Variants in FZD1 observed in about 807,000 individuals in gnomAD.
The protein encoded by FZD1 is frizzled class receptor 1, also known as frizzled-1.
Under a neutral mutation model 48.0 loss-of-function variants are expected in FZD1, and 22 were observed. The ratio of observed to expected loss-of-function variants is 0.46; its 90% CI spans 0.33 to 0.65. The LOEUF is 0.65. Ranked by LOEUF, FZD1 falls within the 30% of genes least tolerant of loss-of-function variation. The pLI, the probability that FZD1 is intolerant of heterozygous loss-of-function variation, is 0.02. For missense variants in FZD1, 843 were observed against 898.1 expected, an observed-to-expected ratio of 0.94 and a Z score of 0.78; for synonymous variants, 486 against 409.6, an observed-to-expected ratio of 1.19 and a Z score of -2.25.
Position 91,268,844 on chromosome 7 carries a change from TA to T in FZD1, c.*2023del. ...GAATTCAATGAAAAAAGTCTACCCT[TA>T]AACCCTCAGATCAGTCTTTCCAAAG... On this transcript the variant is annotated 3_prime_UTR_variant, in exon 1 of 1. Transcript: ENST00000287934. 6.0e-6 allele frequency: 1 copy of T among 167,074 alleles called. No homozygotes were observed. The allele number at this position is 167,074 out of a possible 1,614,324, so 10.3% of individuals were successfully genotyped here.
Position 91,266,564 on chromosome 7 carries a change from C to T in FZD1, c.1684C>T (p.Arg562Trp), listed in dbSNP as rs1380692271. ...CTGCTACTTCTACGAGCAGGCCTTC[C>T]GGGACCAGTGGGAACGCAGCTGGGT... ...IACYFYEQAF[R>W]DQWERSWVAQ... Residue 562 changes from arginine to tryptophan, a missense_variant, in exon 1 of 1, where the codon CGG becomes TGG. Transcript: ENST00000287934. This position sits in a 1 kb window ranked among gnomAD's most constrained non-coding sequence, Gnocchi z 6.8. 1.2e-6 allele frequency: 2 copies of T among 1,613,798 alleles called. No individual in the cohort carries two copies. Among genetic ancestry groups the T allele is most frequent in the Non-Finnish European group, 1.7e-6 (2 of 1,180,006 alleles).
Position 91,265,756 on chromosome 7 carries a change from G to A in FZD1, c.876G>A (p.Gly292=), listed in dbSNP as rs780442306. Reference sequence around the variant, plus strand: ...CCTACCTCAACTACCACTTCCTGGGGGAGAAGGACTGCGGCGCACCTTGTG... The same window carrying A: ...CCTACCTCAACTACCACTTCCTGGGAGAGAAGGACTGCGGCGCACCTTGTG... ...VPSYLNYHFL[G]EKDCGAPCEP... Residue 292 remains glycine, a synonymous_variant, in exon 1 of 1, where the codon GGG becomes GGA. Transcript: ENST00000287934. This position sits in a 1 kb window ranked among gnomAD's most constrained non-coding sequence, Gnocchi z 6.9. 5 of 1,612,520 alleles carry A rather than the reference G, an allele frequency of 3.1e-6. No homozygotes were observed. The highest frequency in any genetic ancestry group is 4.2e-6 in the Non-Finnish European group (5 of 1,178,936).
chr7:91,267,801 G>A lies in FZD1; in HGVS notation c.*977G>A, dbSNP rs1803910778. ...AGTGTCTAAAACCTGGTATGGGTTT[G>A]GCCAGCGTCATGGAAAGATGTGGTT... is the stretch of plus-strand genomic sequence containing the variant. On this transcript the variant is annotated 3_prime_UTR_variant, in exon 1 of 1. Transcript: ENST00000287934. 6.0e-6 allele frequency: 1 copy of A among 167,082 alleles called. No individual in the cohort carries two copies. The highest frequency in any genetic ancestry group is 2.1e-4 in the South Asian group (1 of 4,828). 10.3% of individuals were successfully genotyped at this position (167,082 alleles called of 1,614,324 possible). A position where few individuals can be genotyped will look rare whatever the true frequency, so the allele number is the denominator to read the frequency against.
Position 91,269,823 on chromosome 7 carries a change from T to C in FZD1, c.*2999T>C, listed in dbSNP as rs2115567981. On this transcript the variant is annotated 3_prime_UTR_variant, in exon 1 of 1. Coordinates refer to ENST00000287934, the MANE Select transcript of FZD1 (RefSeq NM_003505.2). ...CTCACTAAGTAGTTCAATTAGATAA[T>C]TTCTGGAAAAACATGTTTTTGACAT... 1 of 167,148 alleles carries C rather than the reference T, an allele frequency of 6.0e-6. No homozygotes were observed. Among genetic ancestry groups the C allele is most frequent in the East Asian group, 1.9e-4 (1 of 5,192 alleles). The allele number at this position is 167,148 out of a possible 1,614,324, so 10.4% of individuals were successfully genotyped here. A position where few individuals can be genotyped will look rare whatever the true frequency, so the allele number is the denominator to read the frequency against.
chr7:91,265,115 C>A lies in FZD1; in HGVS notation c.235C>A (p.Pro79Thr). Reference sequence around the variant, plus strand: ...CCGGGCCCAGGCGGCGGGCCAGGGGCCAGGCCAGGGGCCCGGGCCGGGGCA... The same window carrying A: ...CCGGGCCCAGGCGGCGGGCCAGGGGACAGGCCAGGGGCCCGGGCCGGGGCA... ...GVRAQAAGQGPGQGPGPGQQP... is the reference protein window; with the variant it reads ...GVRAQAAGQGTGQGPGPGQQP... Residue 79 changes from proline (P) to threonine (T), a missense_variant, in exon 1 of 1, where the codon CCA becomes ACA. Physicochemically the swap from Pro to Thr is conservative, Grantham distance 38. This residue lies in a region of FZD1 where 490 missense variants were observed against 466.5 expected (regional missense o/e 1.05). Coordinates refer to ENST00000287934, the MANE Select transcript of FZD1 (RefSeq NM_003505.2). This position sits in a 1 kb window ranked among gnomAD's most constrained non-coding sequence, Gnocchi z 6.9. 1 of 1,498,450 alleles carries A rather than the reference C, an allele frequency of 6.7e-7. No individual in the cohort carries two copies. Among genetic ancestry groups the A allele is most frequent in the Non-Finnish European group, 8.9e-7 (1 of 1,118,740 alleles). The allele number at this position is 1,498,450 out of a possible 1,614,324, so 92.8% of individuals were successfully genotyped here.
rs139801070 is a variant in FZD1, at chr7:91,264,728, A to T, written c.-153A>T. Reference sequence around the variant, plus strand: ...TTTCCGCGGCGGCGGCGGCTGCGGTACGCAGAACAGGAGCCGGGGGAGCGG... The same window carrying T: ...TTTCCGCGGCGGCGGCGGCTGCGGTTCGCAGAACAGGAGCCGGGGGAGCGG... On this transcript the variant is annotated 5_prime_UTR_variant, in exon 1 of 1. Transcript: ENST00000287934. 216 of 449,466 alleles carry T rather than the reference A, an allele frequency of 4.8e-4. No homozygotes were observed. Among genetic ancestry groups the T allele is most frequent in the African/African-American group, 2.9e-3 (144 of 49,440 alleles). 27.8% of individuals were successfully genotyped at this position (449,466 alleles called of 1,614,324 possible).
At position 91,269,093 on chromosome 7, in the gene FZD1, A is replaced by AT. The variant is rs1467375918; in HGVS notation, c.*2275dup. On this transcript the variant is annotated 3_prime_UTR_variant, in exon 1 of 1. Transcript: ENST00000287934. ...ATTTTTAAATCATCACCTTTCTCAT[A>AT]TTTTTTAGAGGTATTGTCTTATCTC... 6.0e-6 allele frequency: 1 copy of AT among 166,846 alleles called. No homozygotes were observed. Among genetic ancestry groups the AT allele is most frequent in the Admixed American group, 6.5e-5 (1 of 15,282 alleles). The allele number at this position is 166,846 out of a possible 1,614,324, so 10.3% of individuals were successfully genotyped here.
Position 91,264,635 on chromosome 7 carries a change from G to T in FZD1, c.-246G>T, listed in dbSNP as rs1313970518. The T allele has an allele frequency of 1.3e-4, 49 of 384,854 alleles. 1 individual carries two copies. The highest frequency in any genetic ancestry group is 9.2e-6 in the Non-Finnish European group (2 of 217,728). 23.8% of individuals were successfully genotyped at this position (384,854 alleles called of 1,614,324 possible). ...CCAGCGAGCCGAGGGCCAGGAAGGC[G>T]GGACACGACCCCGGCGCGCCCTAGC... On this transcript the variant is annotated 5_prime_UTR_variant, in exon 1 of 1. Transcript: ENST00000287934.
chr7:91,266,958 GAACA>G lies in FZD1; in HGVS notation c.*136_*139del, dbSNP rs1390333419. The G allele has an allele frequency of 1.6e-5, 10 of 639,510 alleles. No homozygotes were observed. Among genetic ancestry groups the G allele is most frequent in the Non-Finnish European group, 2.8e-5 (10 of 358,462 alleles). The allele number at this position is 639,510 out of a possible 1,614,324, so 39.6% of individuals were successfully genotyped here. A position where few individuals can be genotyped will look rare whatever the true frequency, so the allele number is the denominator to read the frequency against. Reference sequence around the variant, plus strand: ...ACAACTCTCTTTCGCAGGCTCCTTTGAACAACTCAGCTCCTGCAAAAGCTTCCGT... The same window carrying G: ...ACAACTCTCTTTCGCAGGCTCCTTTGACTCAGCTCCTGCAAAAGCTTCCGT... On this transcript the variant is annotated 3_prime_UTR_variant, in exon 1 of 1. Coordinates refer to ENST00000287934, the MANE Select transcript of FZD1 (RefSeq NM_003505.2). This position sits in a 1 kb window ranked among gnomAD's most constrained non-coding sequence, Gnocchi z 6.8.
chr7:91,265,351 G>C lies in FZD1; in HGVS notation c.471G>C (p.Val157=). 6.2e-7 allele frequency: 1 copy of C among 1,614,126 alleles called. No individual in the cohort carries two copies. The highest frequency in any genetic ancestry group is 8.5e-7 in the Non-Finnish European group (1 of 1,179,984). Residue 157 remains valine (V), a synonymous_variant, in exon 1 of 1, where the codon GTG becomes GTC. Coordinates refer to ENST00000287934, the MANE Select transcript of FZD1 (RefSeq NM_003505.2). The surrounding 1 kb of genome is among the most constrained non-coding windows in gnomAD (Gnocchi z 6.9). Reference sequence around the variant, plus strand: ...AGGTGCACCAGTTCTACCCTCTAGTGAAAGTGCAGTGTTCCGCTGAGCTCA... The same window carrying C: ...AGGTGCACCAGTTCTACCCTCTAGTCAAAGTGCAGTGTTCCGCTGAGCTCA... ...GLEVHQFYPL[V]KVQCSAELKF...
In FZD1 at chr7:91,265,605, T is replaced by G; in HGVS notation, c.725T>G (p.Leu242Arg). The change falls in exon 1 of 1, where the codon CTG (leucine) becomes CGG (arginine). Residue 242 changes from leucine (L) to arginine (R), a missense_variant. Coordinates refer to ENST00000287934, the MANE Select transcript of FZD1 (RefSeq NM_003505.2). This position sits in a 1 kb window ranked among gnomAD's most constrained non-coding sequence, Gnocchi z 6.9. ...TSDKGTPTPSLLPEFWTSNPQ... is the reference protein window; with the variant it reads ...TSDKGTPTPSRLPEFWTSNPQ... ...GACAAGGGCACCCCGACGCCCTCGC[T>G]GCTTCCAGAGTTCTGGACCAGCAAC... The G allele has an allele frequency of 6.2e-7, 1 of 1,607,684 alleles. No homozygotes were observed. The highest frequency in any genetic ancestry group is 2.2e-5 in the East Asian group (1 of 44,740).
chr7:91,265,216 C>T lies in FZD1; in HGVS notation c.336C>T (p.Asp112=). ...YNGERGISVP[D]HGYCQPISIP... ...GCGAGCGGGGCATCTCCGTCCCGGACCACGGCTATTGCCAGCCCATCTCCA... is the reference window on the plus strand; with the variant it reads ...GCGAGCGGGGCATCTCCGTCCCGGATCACGGCTATTGCCAGCCCATCTCCA... Residue 112 remains aspartate, a synonymous_variant, in exon 1 of 1, where the codon GAC becomes GAT. Transcript: ENST00000287934. The surrounding 1 kb of genome is among the most constrained non-coding windows in gnomAD (Gnocchi z 6.9). The T allele has an allele frequency of 6.2e-7, 1 of 1,613,976 alleles. No individual in the cohort carries two copies. The highest frequency in any genetic ancestry group is 1.3e-5 in the African/African-American group (1 of 75,062).
chr7:91,270,608 G>T lies in FZD1; in HGVS notation c.*3784G>T, dbSNP rs539878023. The T allele has an allele frequency of 5.4e-5, 9 of 167,172 alleles. No individual in the cohort carries two copies. Among genetic ancestry groups the T allele is most frequent in the African/African-American group, 2.2e-4 (9 of 41,590 alleles). The allele number at this position is 167,172 out of a possible 1,614,324, so 10.4% of individuals were successfully genotyped here. A position where few individuals can be genotyped will look rare whatever the true frequency, so the allele number is the denominator to read the frequency against. On this transcript the variant is annotated 3_prime_UTR_variant, in exon 1 of 1. Transcript: ENST00000287934. ...TCATTTCAGGACTTGAGTGGCCGCA[G>T]ATCACTGTCCCTGATAGCATGTTTC...
rs768823215 is a variant in FZD1, at chr7:91,265,785, C to T, written c.905C>T (p.Pro302Leu). The change falls in exon 1 of 1, where the codon CCG (proline) becomes CTG (leucine). Residue 302 changes from proline to leucine, a missense_variant. By Grantham distance (98) the Pro-to-Leu change is moderately conservative (BLOSUM62 -3). Transcript: ENST00000287934. The surrounding 1 kb of genome is among the most constrained non-coding windows in gnomAD (Gnocchi z 6.9). ...GEKDCGAPCE[P>L]TKVYGLMYFG... ...AAGGACTGCGGCGCACCTTGTGAGCCGACCAAGGTGTATGGGCTCATGTAC... is the reference window on the plus strand; with the variant it reads ...AAGGACTGCGGCGCACCTTGTGAGCTGACCAAGGTGTATGGGCTCATGTAC... The T allele has an allele frequency of 1.9e-6, 3 of 1,612,588 alleles. No homozygotes were observed. The highest frequency in any genetic ancestry group is 2.2e-5 in the East Asian group (1 of 44,852).
In FZD1 at chr7:91,264,577, CG is replaced by C. The variant is rs1191375099; in HGVS notation, c.-303del. On this transcript the variant is annotated 5_prime_UTR_variant, in exon 1 of 1. It removes the in-frame stop codon of an upstream open reading frame in the 5' UTR. Transcript: ENST00000287934. ...CGGAGAGTTGCGCTCTCTACGGGGC[CG>C]CGGCCACTAGCGCGGCGCCGCCAGC... 2.7e-6 allele frequency: 1 copy of C among 366,182 alleles called. No individual in the cohort carries two copies. Among genetic ancestry groups the C allele is most frequent in the Non-Finnish European group, 4.9e-6 (1 of 204,830 alleles). 22.7% of individuals were successfully genotyped at this position (366,182 alleles called of 1,614,324 possible). A position where few individuals can be genotyped will look rare whatever the true frequency, so the allele number is the denominator to read the frequency against.
In FZD1 at chr7:91,265,129, C is replaced by T. The variant is rs1200022616; in HGVS notation, c.249C>T (p.Pro83=). Reference sequence around the variant, plus strand: ...CGGGCCAGGGGCCAGGCCAGGGGCCCGGGCCGGGGCAGCAACCGCCGCCGC... The same window carrying T: ...CGGGCCAGGGGCCAGGCCAGGGGCCTGGGCCGGGGCAGCAACCGCCGCCGC... ...QAAGQGPGQG[P]GPGQQPPPPP... is the part of the protein sequence containing the mutation. Residue 83 remains proline, a synonymous_variant, in exon 1 of 1, where the codon CCC becomes CCT. Transcript: ENST00000287934. The surrounding 1 kb of genome is among the most constrained non-coding windows in gnomAD (Gnocchi z 6.9). 5 of 1,536,256 alleles carry T rather than the reference C, an allele frequency of 3.3e-6. No individual in the cohort carries two copies. The highest frequency in any genetic ancestry group is 2.3e-4 in the Middle Eastern group (1 of 4,326).
chr7:91,264,807 C>T lies in FZD1; in HGVS notation c.-74C>T, dbSNP rs953480878. On this transcript the variant is annotated 5_prime_UTR_variant, in exon 1 of 1. Transcript: ENST00000287934. Reference sequence around the variant, plus strand: ...GCACCCGCGCAGAGGTCTCCCTGGCCGCAGGGGGAGCCGCCGCCGGCCGTG... The same window carrying T: ...GCACCCGCGCAGAGGTCTCCCTGGCTGCAGGGGGAGCCGCCGCCGGCCGTG... 2.5e-5 allele frequency: 28 copies of T among 1,099,194 alleles called. No homozygotes were observed. The African/African-American group carries it at 4.2e-4, about 17-fold the overall frequency. 68.1% of individuals were successfully genotyped at this position (1,099,194 alleles called of 1,614,324 possible). A position where few individuals can be genotyped will look rare whatever the true frequency, so the allele number is the denominator to read the frequency against.
Position 91,265,326 on chromosome 7 carries a change from A to G in FZD1, c.446A>G (p.Glu149Gly). ...ACGAACCAGGAGGACGCGGGCCTGG[A>G]GGTGCACCAGTTCTACCCTCTAGTG... ...GHTNQEDAGL[E>G]VHQFYPLVKV... Residue 149 changes from glutamate to glycine, a missense_variant, in exon 1 of 1, where the codon GAG (glutamate) becomes GGG (glycine). By Grantham distance (98) the Glu-to-Gly change is moderately conservative. This residue lies in a region of FZD1 where 490 missense variants were observed against 466.5 expected (regional missense o/e 1.05). Transcript: ENST00000287934. The surrounding 1 kb of genome is among the most constrained non-coding windows in gnomAD (Gnocchi z 6.9). The G allele has an allele frequency of 6.2e-7, 1 of 1,614,102 alleles. No individual in the cohort carries two copies. The highest frequency in any genetic ancestry group is 8.5e-7 in the Non-Finnish European group (1 of 1,179,968).
chr7:91,264,757 G>T lies in FZD1; in HGVS notation c.-124G>T. 1 of 564,504 alleles carries T rather than the reference G, an allele frequency of 1.8e-6. No individual in the cohort carries two copies. Among genetic ancestry groups the T allele is most frequent in the South Asian group, 8.9e-5 (1 of 11,292 alleles). 35.0% of individuals were successfully genotyped at this position (564,504 alleles called of 1,614,324 possible). A position where few individuals can be genotyped will look rare whatever the true frequency, so the allele number is the denominator to read the frequency against. On this transcript the variant is annotated 5_prime_UTR_variant, in exon 1 of 1. It introduces an in-frame stop codon into an upstream open reading frame of the 5' UTR. Transcript: ENST00000287934. ...AGAACAGGAGCCGGGGGAGCGGGCC[G>T]AAAGCGGCTTGGGCTCGACGGAGGG...
Sources: allele counts gnomAD v4.1 joint callset, GRCh38; gene constraint gnomAD v4.1.1; regional missense constraint gnomAD v4.1.1; non-coding constraint Gnocchi (gnomAD v3.1); transcripts MANE v1.5; gene names NCBI Gene and HGNC (gene_info 2026-07-23, HGNC 2026-07-21).